Variants in RABGAP1L observed in about 807,000 individuals in gnomAD.
The protein encoded by RABGAP1L is RAB GTPase activating protein 1 like, also known as rab GTPase-activating protein 1-like.
RABGAP1L carries 63 observed loss-of-function variants against 137.7 expected under a neutral mutation model. The ratio of observed to expected loss-of-function variants is 0.46; its 90% confidence interval spans 0.37 to 0.56. The LOEUF is 0.56. RABGAP1L is among the 20% of genes least tolerant of loss of function. The probability of loss-of-function intolerance (pLI) is 0.00; values close to 1 mark genes in which losing one functional copy is unlikely to be tolerated. For missense variants in RABGAP1L, 1,095 were observed against 1,244.0 expected (o/e 0.88, Z 1.80); for synonymous variants, 431 against 433.7 (o/e 0.99, Z 0.08).
At chr1:174,706,092 C>T (rs572904854) in intron 17 of RABGAP1L, among the ~76,000 whole-genome samples, 134 of 152,248 alleles carry the variant, frequency 8.8e-4, no homozygotes, top group Admixed American at 1.7e-3. Flanking sequence ...GAGTTTGAAA[C>T]TTTATGCTTA....
intron 10 of RABGAP1L, among the ~76,000 whole-genome samples, chr1:174,290,876 A>G (rs1676532577): frequency 6.6e-6 from 1 of 151,200 alleles, no homozygotes; most frequent in Admixed American, 6.6e-5. Flanking sequence ...ATTCTCCTGC[A>G]TCAGCCTCCC....
intron 13 of RABGAP1L, among the ~76,000 whole-genome samples, chr1:174,614,318 A>G (rs893874156): frequency 1.7e-4 from 26 of 152,042 alleles, no homozygotes; most frequent in South Asian, 1.5e-3. Flanking sequence ...CACTTATGAA[A>G]CTTAGTTTGG....
intron 17 of RABGAP1L, among the ~76,000 whole-genome samples, chr1:174,719,525 A>G (rs1681312593): frequency 1.3e-5 from 2 of 152,232 alleles, no homozygotes; most frequent in Non-Finnish European, 2.9e-5. Context: ...AAAACCCTTG[A>G]AAAAATTGGT....
At chr1:174,708,567 G>C (rs756624400) in intron 17 of RABGAP1L, among the ~76,000 whole-genome samples, 1 of 152,148 alleles carries the variant, frequency 6.6e-6, no homozygotes, top group Non-Finnish European at 1.5e-5. Context: ...CCCTAGCTGA[G>C]GGAAGCTGTA....
At chr1:174,614,013 T>C (rs1433289610) in intron 13 of RABGAP1L, among the ~76,000 whole-genome samples, 1 of 152,238 alleles carries the variant, frequency 6.6e-6, no homozygotes, top group Non-Finnish European at 1.5e-5. Context: ...CTTTATCCAA[T>C]TTGCCAGTCT....
At chr1:174,701,899 T>C (rs1040210594) in intron 16 of RABGAP1L, among the ~76,000 whole-genome samples, 3 of 152,222 alleles carry the variant, frequency 2.0e-5, no homozygotes, top group African/African-American at 7.2e-5. Context: ...CTTAGTTGTT[T>C]ATAATAAGTC....
intron 13 of RABGAP1L, among the ~76,000 whole-genome samples, chr1:174,438,742 G>GTGTATA (rs1653747104): frequency 1.5e-5 from 1 of 65,802 alleles, no homozygotes; most frequent in Non-Finnish European, 2.5e-5. Context: ...AAGTGTGTGT[G>GTGTATA]TGTATATATA....
Position 174,400,197 on chromosome 1 carries a change from G to A in RABGAP1L, c.1710+6052G>A, listed in dbSNP as rs1055106074. Among the ~76,000 whole-genome samples the A allele has an allele frequency of 5.5e-4, 83 of 152,112 alleles. 1 individual carries two copies. Among genetic ancestry groups the A allele is most frequent in the Admixed American group, 3.9e-4 (6 of 15,262 alleles). On this transcript the variant is annotated intron_variant, in intron 13 of 25. Coordinates refer to ENST00000681986, the MANE Select transcript of RABGAP1L (RefSeq NM_001366446.1). ...ATTTATACTTTCTTTTGCCATGGGC[G>A]TATTACTCTATTACTTACTCTCTAT...
intron 13 of RABGAP1L, among the ~76,000 whole-genome samples, chr1:174,553,182 A>G (rs763272804): frequency 2.0e-5 from 3 of 152,074 alleles, no homozygotes; most frequent in Admixed American, 6.6e-5. Context: ...TAGGTTGTCT[A>G]TTTAATCTGC....
intron 18 of RABGAP1L, among the ~76,000 whole-genome samples, chr1:174,772,843 C>G (rs1461295603): frequency 2.0e-5 from 3 of 152,032 alleles, no homozygotes; most frequent in Non-Finnish European, 4.4e-5. Context: ...TCGTATTTGT[C>G]TTATCTCTGG....
At chr1:174,506,968 G>A (rs1661873322) in intron 13 of RABGAP1L, among the ~76,000 whole-genome samples, 1 of 152,122 alleles carries the variant, frequency 6.6e-6, no homozygotes. Flanking sequence ...AAAATTAGCT[G>A]GATGTGGAGG....
intron 13 of RABGAP1L, among the ~76,000 whole-genome samples, chr1:174,539,305 T>C (rs553868700): frequency 5.3e-5 from 8 of 152,284 alleles, no homozygotes; most frequent in African/African-American, 1.9e-4. Flanking sequence ...TTATTTTCTT[T>C]ATTATACGTT....
At chr1:174,584,888 G>A (rs964647612) in intron 13 of RABGAP1L, among the ~76,000 whole-genome samples, 11 of 151,890 alleles carry the variant, frequency 7.2e-5, no homozygotes, top group African/African-American at 2.7e-4. Flanking sequence ...GGCAAAGGGA[G>A]CTAAGGTATA....
At chr1:174,519,646 A>G (rs150705848) in intron 13 of RABGAP1L, among the ~76,000 whole-genome samples, 1 of 152,318 alleles carries the variant, frequency 6.6e-6, no homozygotes, top group African/African-American at 2.4e-5. Flanking sequence ...TCTAAAATAG[A>G]ACAGGAAAAT....
At position 174,995,198 on chromosome 1, in the gene RABGAP1L, C is replaced by A. The variant is rs555213776; in HGVS notation, c.*5197C>A. 1 of 152,308 alleles carries A rather than the reference C, an allele frequency of 6.6e-6. No individual in the cohort carries two copies. Among genetic ancestry groups the A allele is most frequent in the African/African-American group, 2.4e-5 (1 of 41,576 alleles). 9.4% of individuals were successfully genotyped at this position (152,308 alleles called of 1,614,324 possible). The stretch of plus-strand genomic sequence containing the variant: ...TGAAGCCTTGTGAAATAAACAAATG[C>A]AACTGAGAAGGTAACAAGGTGACTG... On this transcript the variant is annotated 3_prime_UTR_variant, in exon 26 of 26. Transcript: ENST00000681986.
intron 12 of RABGAP1L, among the ~76,000 whole-genome samples, chr1:174,387,032 G>C (rs1686854087): frequency 6.6e-6 from 1 of 152,124 alleles, no homozygotes; most frequent in Non-Finnish European, 1.5e-5. Context: ...TTTATTACTT[G>C]CTTCAATATA....
At chr1:174,831,115 T>G (rs1363854924) in intron 19 of RABGAP1L, among the ~76,000 whole-genome samples, 1 of 148,222 alleles carries the variant, frequency 6.7e-6, no homozygotes, top group Non-Finnish European at 1.5e-5. Context: ...CTTTTGGTTG[T>G]GCTGGTTCAT....
chr1:174,407,972 C>A (rs1180793083), intron 13 of RABGAP1L, among the ~76,000 whole-genome samples: 1 of 152,046 alleles, frequency 6.6e-6, no homozygotes, highest in Non-Finnish European at 1.5e-5. Flanking sequence ...CAATAGCAAC[C>A]CGAGATGGGG....
At chr1:174,769,406 G>A (rs938149471) in intron 18 of RABGAP1L, among the ~76,000 whole-genome samples, 1 of 152,054 alleles carries the variant, frequency 6.6e-6, no homozygotes, top group Non-Finnish European at 1.5e-5. Context: ...CCATTCTTAG[G>A]TTCTATAATA....
Sources: gnomAD v4.1 joint callset for allele counts (sites outside exome capture counted in the v4.1 genomes callset) on GRCh38, gnomAD v4.1.1 for gene constraint, MANE v1.5 for transcripts, NCBI Gene and HGNC (gene_info 2026-07-23, HGNC 2026-07-21) for gene names.